Variants in ERBIN observed in about 807,000 individuals in gnomAD.
The protein encoded by ERBIN is densin-180-like protein.
ERBIN carries 60 observed loss-of-function variants against 158.4 expected under a neutral mutation model. The observed-to-expected ratio is 0.38, with a 90% CI of 0.31 to 0.47. The LOEUF is 0.47. Among genes scored for constraint, ERBIN ranks in the 20% least tolerant of loss-of-function variants. ERBIN has a pLI of 0.99. For missense variants in ERBIN, 1,610 were observed against 1,648.0 expected (o/e 0.98, Z 0.40); for synonymous variants, 594 against 557.2 (o/e 1.07, Z -0.93).
intron 1 of ERBIN, chr5:65,984,904 A>ATC: frequency 6.6e-6 from 1 of 152,258 alleles, no homozygotes; most frequent in East Asian, 1.9e-4. Flanking sequence ...TGTATTTAAA[A>ATC]AAAAAAAAAC....
chr5:66,074,272 A>G (rs746222168), intron 22 of ERBIN, among the ~76,000 whole-genome samples: 15 of 152,212 alleles, frequency 9.9e-5, no homozygotes, highest in Admixed American at 2.0e-4. Context: ...AGTCAGGTTT[A>G]TTCTCTAAAA....
chr5:66,032,289 T>C (rs1756970989), intron 14 of ERBIN, among the ~76,000 whole-genome samples: 1 of 152,202 alleles, frequency 6.6e-6, no homozygotes. Context: ...TTATCAATTA[T>C]GAGTGGCTTC....
chr5:65,941,143 C>A (rs1744960881), intron 1 of ERBIN, among the ~76,000 whole-genome samples: 2 of 151,974 alleles, frequency 1.3e-5, no homozygotes, highest in South Asian at 4.2e-4. Context: ...GTCATCACCA[C>A]TCCCTAATCT....
intron 7 of ERBIN, among the ~76,000 whole-genome samples, chr5:66,018,452 TATTATATTATATA>T (rs1755058295): frequency 3.3e-5 from 1 of 30,372 alleles, no homozygotes; most frequent in Admixed American, 6.2e-4. Flanking sequence ...ATATAATATA[TATTATATTATATA>T]ATATATATTA....
chr5:66,014,751 A>G (rs757668513), intron 7 of ERBIN, 26 bp downstream of exon 7: 2 of 1,172,766 alleles, frequency 1.7e-6, no homozygotes, highest in Non-Finnish European at 2.4e-6. Flanking sequence ...ATTCTTTAAA[A>G]AACTTAATTT....
intron 21 of ERBIN, among the ~76,000 whole-genome samples, chr5:66,057,908 T>TCCATGCTGTATATGTGC (rs545959114): frequency 7.0e-6 from 1 of 143,000 alleles, no homozygotes; most frequent in African/African-American, 2.9e-5. Flanking sequence ...TGCATAGTAT[T>TCCATGCTGTATATGTGC]CACATTTTCT....
chr5:66,042,318 TTAGATGCCTAATAATA>T (rs1368125847), intron 15 of ERBIN, among the ~76,000 whole-genome samples: 3 of 152,138 alleles, frequency 2.0e-5, no homozygotes, highest in Non-Finnish European at 4.4e-5. Flanking sequence ...TATGTATTTT[TTAGATGCCTAATAATA>T]ACAAAAAACT....
intron 21 of ERBIN, among the ~76,000 whole-genome samples, chr5:66,067,607 G>A (rs529500815): frequency 2.0e-5 from 3 of 152,262 alleles, no homozygotes; most frequent in Admixed American, 6.5e-5. Context: ...TTTGTGAGAG[G>A]ATTCCATCAA....
intron 20 of ERBIN, among the ~76,000 whole-genome samples, chr5:66,052,098 A>C (rs1031839817): frequency 6.6e-6 from 1 of 151,700 alleles, no homozygotes; most frequent in African/African-American, 2.4e-5. Context: ...TCGAGAGGCC[A>C]AGGTGGGAGG....
At chr5:66,042,442 A>G (rs1299671375) in intron 15 of ERBIN, among the ~76,000 whole-genome samples, 2 of 151,710 alleles carry the variant, frequency 1.3e-5, no homozygotes, top group African/African-American at 4.8e-5. Flanking sequence ...TTTTTTTTTG[A>G]CTTCGGAATA....
intron 1 of ERBIN, among the ~76,000 whole-genome samples, chr5:65,929,880 T>A (rs1433497468): frequency 6.6e-6 from 1 of 152,186 alleles, no homozygotes; most frequent in East Asian, 1.9e-4. Flanking sequence ...CCTCAGGTGA[T>A]CTGCCCACCT....
In ERBIN at chr5:66,079,410, G is replaced by GT. The variant is rs1437604505; in HGVS notation, c.*884dup. The GT allele has an allele frequency of 6.7e-6, 1 of 148,430 alleles. No homozygotes were observed. The highest frequency in any genetic ancestry group is 1.5e-5 in the Non-Finnish European group (1 of 67,164). 9.2% of individuals were successfully genotyped at this position (148,430 alleles called of 1,614,324 possible). On this transcript the variant is annotated 3_prime_UTR_variant, in exon 26 of 26. Coordinates refer to ENST00000284037, the MANE Select transcript of ERBIN (RefSeq NM_001253697.2). ...TTTCAAATGGTGGTACTTGCAATCTGTTTTATAATTAGTGCTCCATTTAAA... is the reference window on the plus strand; with the variant it reads ...TTTCAAATGGTGGTACTTGCAATCTGTTTTTATAATTAGTGCTCCATTTAAA...
At chr5:66,058,896 T>C (rs556307726) in intron 21 of ERBIN, among the ~76,000 whole-genome samples, 1 of 152,320 alleles carries the variant, frequency 6.6e-6, no homozygotes, top group Admixed American at 6.5e-5. Context: ...TTGGTCTATA[T>C]CCCTGTTTTG....
intron 1 of ERBIN, among the ~76,000 whole-genome samples, chr5:65,934,319 A>G (rs946802649): frequency 1.3e-5 from 2 of 152,224 alleles, no homozygotes; most frequent in African/African-American, 2.4e-5. Flanking sequence ...CTGAACCTCA[A>G]TTATCCCAAT....
At chr5:65,934,034 C>T (rs1352352277) in intron 1 of ERBIN, among the ~76,000 whole-genome samples, 1 of 152,066 alleles carries the variant, frequency 6.6e-6, no homozygotes, top group Non-Finnish European at 1.5e-5. Context: ...GTAGCTGAGA[C>T]TATAGACGCC....
intron 21 of ERBIN, among the ~76,000 whole-genome samples, chr5:66,070,450 A>T (rs1199899448): frequency 6.6e-6 from 1 of 152,158 alleles, no homozygotes; most frequent in African/African-American, 2.4e-5. Context: ...CTCAGGGGTA[A>T]TCTTTGCCAT....
intron 1 of ERBIN, among the ~76,000 whole-genome samples, chr5:65,938,241 A>T (rs1323518664): frequency 1.5e-4 from 23 of 152,188 alleles, no homozygotes; most frequent in Admixed American, 1.5e-3. Flanking sequence ...TATTTAAATA[A>T]AGGAAGCAAT....
intron 24 of ERBIN, 59 bp downstream of exon 24, chr5:66,076,467 C>CTTAAA: frequency 8.0e-7 from 1 of 1,254,664 alleles, no homozygotes; most frequent in Non-Finnish European, 1.2e-6. Flanking sequence ...CGATTGAATA[C>CTTAAA]TTAAATGTAA....
rs1375503021 is a variant in ERBIN at position 66,012,254 on chromosome 5, A to AT, written c.386+127_386+128insT. ...TAAGTCTATACAAAATTTCAATTTT[A>AT]GAGTTAAAAAGTAATCTTTTAAATA... On this transcript the variant is annotated intron_variant, in intron 5 of 25. Coordinates refer to ENST00000284037, the MANE Select transcript of ERBIN (RefSeq NM_001253697.2). The AT allele has an allele frequency of 5.3e-6, 3 of 564,312 alleles. No homozygotes were observed. In the East Asian group the frequency reaches 8.7e-5, roughly 16 times the overall value. The allele number at this position is 564,312 out of a possible 1,614,324, so 35.0% of individuals were successfully genotyped here. A position where few individuals can be genotyped will look rare whatever the true frequency, so the allele number is the denominator to read the frequency against.
Sources: gnomAD v4.1 joint callset for allele counts (sites outside exome capture counted in the v4.1 genomes callset) on GRCh38, gnomAD v4.1.1 for gene constraint, MANE v1.5 for transcripts, NCBI Gene and HGNC (gene_info 2026-07-23, HGNC 2026-07-21) for gene names.